Variants in KAZN observed in about 807,000 individuals in gnomAD.
The protein encoded by KAZN is kazrin, periplakin interacting protein.
A neutral mutation model predicts 87.4 loss-of-function variants in KAZN; 40 were observed. That is an observed-to-expected ratio of 0.46 (90% CI 0.36 to 0.60). The LOEUF (loss-of-function observed/expected upper bound fraction) is 0.60, where lower values mean the gene tolerates loss of function less well. Ranked by LOEUF, KAZN falls within the 20% of genes least tolerant of loss-of-function variation. The probability of loss-of-function intolerance (pLI) is 0.00; values close to 1 mark genes in which losing one functional copy is unlikely to be tolerated. For synonymous variants in KAZN, 466 were observed against 458.3 expected, an observed-to-expected ratio of 1.02 and a Z score of -0.22; for missense variants, 898 against 1,073.9, an observed-to-expected ratio of 0.84 and a Z score of 2.29.
chr1:14,348,002 C>G (rs1658237147), intron 2 of KAZN, among the ~76,000 whole-genome samples: 1 of 150,932 alleles, frequency 6.6e-6, no homozygotes, highest in African/African-American at 2.4e-5. Context: ...CCTCCCACCT[C>G]AGCCTCCTGA....
At position 14,723,866 on chromosome 1, in the gene KAZN, T is replaced by C. The variant is rs1643245723; in HGVS notation, c.226+124643T>C. Among the ~76,000 whole-genome samples, 3 of 152,174 alleles carry C rather than the reference T, an allele frequency of 2.0e-5. No homozygotes were observed. The South Asian group carries it at 6.2e-4, about 31-fold the overall frequency. On this transcript the variant is annotated intron_variant, in intron 1 of 14. Transcript: ENST00000376030. The stretch of plus-strand genomic sequence containing the variant: ...ACCTCCTATTTCCCAGACACTGTTG[T>C]GGGCACTGGGAACCCAGAGGTGATG...
intron 2 of KAZN, among the ~76,000 whole-genome samples, chr1:14,464,244 A>G (rs938911529): frequency 1.3e-5 from 2 of 152,204 alleles, no homozygotes; most frequent in East Asian, 3.8e-4. Context: ...GAAAGTACAG[A>G]CTGCAGATGT....
At chr1:14,607,792 G>A (rs2473626) in intron 1 of KAZN, among the ~76,000 whole-genome samples, 39,631 of 151,998 alleles carry the variant, frequency 0.26, 5,613 homozygotes, top group African/African-American at 0.37. Flanking sequence ...TGGGGTTATG[G>A]CTCATTTTTA....
intron 2 of KAZN, among the ~76,000 whole-genome samples, chr1:14,558,703 T>C (rs1014768306): frequency 2.0e-5 from 3 of 152,218 alleles, no homozygotes; most frequent in African/African-American, 7.2e-5. Context: ...AACGGTCTTC[T>C]GCCTCACGCT....
rs78273099 is a variant in KAZN at position 14,910,042 on chromosome 1, C to T, written c.227-50642C>T. On this transcript the variant is annotated intron_variant, in intron 1 of 14. Transcript: ENST00000376030. The stretch of plus-strand genomic sequence containing the variant: ...TTCCTGCTTGGGCGACAGAGTAAGA[C>T]CTTGTCTCAATAAATAAATAATGAA... Among the ~76,000 whole-genome samples, 22 of 124,580 alleles carry T rather than the reference C, an allele frequency of 1.8e-4. No individual in the cohort carries two copies. The East Asian group carries it at 4.3e-3, about 24-fold the overall frequency. 81.7% of individuals were successfully genotyped at this position (124,580 alleles called of 152,430 possible).
In KAZN at chr1:14,065,251, G is replaced by A. The variant is rs1642963456; in HGVS notation, c.92-115184G>A. 2.0e-5 allele frequency among the ~76,000 whole-genome samples: 3 copies of A among 152,198 alleles called. 1 individual carries two copies. The South Asian group carries it at 6.2e-4, about 32-fold the overall frequency. On this transcript the variant is annotated intron_variant, in intron 1 of 16. Coordinates refer to the KAZN transcript ENST00000636203. Reference sequence around the variant, plus strand: ...AGCTCATTCAGGTCACATGGACGGTGAAGGAACAGAGGAGTTTTGGAGGAA... The same window carrying A: ...AGCTCATTCAGGTCACATGGACGGTAAAGGAACAGAGGAGTTTTGGAGGAA...
At chr1:14,248,703 T>G (rs1017682438) in intron 2 of KAZN, among the ~76,000 whole-genome samples, 1 of 152,220 alleles carries the variant, frequency 6.6e-6, no homozygotes, top group Non-Finnish European at 1.5e-5. Context: ...CCTGTGGTAC[T>G]TTTAAAACAT....
intron 2 of KAZN, among the ~76,000 whole-genome samples, chr1:14,584,834 C>T (rs1380381987): frequency 1.3e-5 from 2 of 152,028 alleles, no homozygotes; most frequent in Non-Finnish European, 2.9e-5. Flanking sequence ...GGTAGAGATG[C>T]GGTTTTCCAC....
At chr1:14,581,667 C>T (rs1296313148) in intron 2 of KAZN, among the ~76,000 whole-genome samples, 1 of 152,208 alleles carries the variant, frequency 6.6e-6, no homozygotes, top group African/African-American at 2.4e-5. Flanking sequence ...TCCTACTTCT[C>T]TCTGGCCTCA....
chr1:14,471,530 T>C lies in KAZN; in HGVS notation c.250-127453T>C, dbSNP rs550126960. Among the ~76,000 whole-genome samples, 183 of 152,028 alleles carry C rather than the reference T, an allele frequency of 1.2e-3. 1 individual carries two copies. Among genetic ancestry groups the C allele is most frequent in the Non-Finnish European group, 1.2e-3 (82 of 68,020 alleles). The stretch of plus-strand genomic sequence containing the variant: ...TTCCATTGAGCCAATGGAAGAACCA[T>C]TGGGGAACGTTGAGTAGAGGCGTGA... On this transcript the variant is annotated intron_variant, in intron 2 of 16. Coordinates refer to the KAZN transcript ENST00000636203.
intron 1 of KAZN, among the ~76,000 whole-genome samples, chr1:14,062,446 G>T (rs539134888): frequency 1.3e-5 from 2 of 152,234 alleles, no homozygotes; most frequent in Non-Finnish European, 2.9e-5. Context: ...GGCTTTGTTA[G>T]GGTCTTGTCT....
At chr1:14,129,266 A>C (rs1432881449) in intron 1 of KAZN, among the ~76,000 whole-genome samples, 1 of 152,222 alleles carries the variant, frequency 6.6e-6, no homozygotes, top group Non-Finnish European at 1.5e-5. Flanking sequence ...CAGAAGCCGG[A>C]CACACTTTTG....
At chr1:14,706,706 GA>G in intron 1 of KAZN, among the ~76,000 whole-genome samples, 1 of 152,266 alleles carries the variant, frequency 6.6e-6, no homozygotes, top group African/African-American at 2.4e-5. Context: ...TTGAACATAT[GA>G]ATCTGGGGGG....
chr1:14,599,081 C>G lies in KAZN; in HGVS notation c.84C>G (p.Ala28=). The G allele has an allele frequency of 6.4e-7, 1 of 1,560,672 alleles. No homozygotes were observed. The highest frequency in any genetic ancestry group is 1.2e-5 in the South Asian group (1 of 85,446). Residue 28 remains alanine (A), a synonymous_variant, in exon 1 of 15, where the codon GCC becomes GCG. Transcript: ENST00000376030. This position sits in a 1 kb window ranked among gnomAD's most constrained non-coding sequence, Gnocchi z 4.4. Reference sequence around the variant, plus strand: ...GCCAGGAGGTGACCAACCTGCGAGCCGAACTCACGGCCACCAACCGGAGAC... The same window carrying G: ...GCCAGGAGGTGACCAACCTGCGAGCGGAACTCACGGCCACCAACCGGAGAC... The part of the protein sequence containing the change: ...SASQEVTNLR[A]ELTATNRRLA...
intron 2 of KAZN, among the ~76,000 whole-genome samples, chr1:14,534,137 C>G (rs1478821152): frequency 2.6e-5 from 4 of 152,184 alleles, no homozygotes; most frequent in Non-Finnish European, 5.9e-5. Flanking sequence ...ACCCCACTCT[C>G]CCATCCTGAA....
Position 13,963,368 on chromosome 1 carries a change from G to A in KAZN, c.91+69612G>A, listed in dbSNP as rs373337737. Among the ~76,000 whole-genome samples the A allele has an allele frequency of 2.1e-4, 32 of 152,190 alleles. No homozygotes were observed. In the East Asian group the frequency reaches 4.2e-3, roughly 20 times the overall value. On this transcript the variant is annotated intron_variant, in intron 1 of 16. Transcript: ENST00000636203. ...AGAACATTCAGCTCCATTTGGGGACGGTAGTGGGCACTGCAGAAGTGCTTG... is the reference window on the plus strand; with the variant it reads ...AGAACATTCAGCTCCATTTGGGGACAGTAGTGGGCACTGCAGAAGTGCTTG...
intron 1 of KAZN, among the ~76,000 whole-genome samples, chr1:14,779,497 A>C (rs1010895756): frequency 1.3e-5 from 2 of 152,134 alleles, no homozygotes; most frequent in African/African-American, 4.8e-5. Flanking sequence ...GCTGCTCATG[A>C]ATATATTTAC....
chr1:14,860,168 T>C (rs2101017432), intron 1 of KAZN, among the ~76,000 whole-genome samples: 1 of 151,688 alleles, frequency 6.6e-6, no homozygotes, highest in South Asian at 2.1e-4. Context: ...CCCTCCTTTC[T>C]CTCTCTCTCT....
At chr1:14,688,251 G>C (rs1038681448) in intron 1 of KAZN, among the ~76,000 whole-genome samples, 1 of 152,192 alleles carries the variant, frequency 6.6e-6, no homozygotes, top group Admixed American at 6.5e-5. Context: ...CTGAGATTGG[G>C]TTTGGTTCCA....
Sources: allele counts gnomAD v4.1 joint callset (sites outside exome capture counted in the v4.1 genomes callset), GRCh38; gene constraint gnomAD v4.1.1; non-coding constraint Gnocchi (gnomAD v3.1); transcripts MANE v1.5; gene names NCBI Gene and HGNC (gene_info 2026-07-23, HGNC 2026-07-21).